MGAT4C: variants seen among roughly 807,000 people sequenced by gnomAD.
The protein encoded by MGAT4C is alpha-1,3-mannosyl-glycoprotein 4-beta-N-acetylglucosaminyltransferase C.
MGAT4C carries 19 observed loss-of-function variants against 40.1 expected under a neutral mutation model. The observed-to-expected ratio is 0.47, with a 90% CI of 0.33 to 0.70. MGAT4C has a LOEUF of 0.70. Among genes scored for constraint, MGAT4C ranks in the 30% least tolerant of loss-of-function variants. MGAT4C has a pLI of 0.02. For missense variants in MGAT4C, 491 were observed against 563.2 expected (o/e 0.87, Z 1.30); for synonymous variants, 181 against 187.1 (o/e 0.97, Z 0.27).
At chr12:86,709,239 C>A (rs1399831413) in intron 2 of MGAT4C, among the ~76,000 whole-genome samples, 3 of 152,134 alleles carry the variant, frequency 2.0e-5, no homozygotes, top group African/African-American at 7.2e-5. Context: ...CTGTTGCCAT[C>A]CATGTAAGAC....
chr12:86,097,910 A>C (rs1225136645), intron 1 of MGAT4C, among the ~76,000 whole-genome samples: 1 of 151,638 alleles, frequency 6.6e-6, no homozygotes, highest in East Asian at 1.9e-4. Context: ...CAACCAGCTA[A>C]TGTCTCATTT....
In MGAT4C at chr12:86,136,448, T is replaced by A. The variant is rs184086601; in HGVS notation, c.-56-86725A>T. On this transcript the variant is annotated intron_variant, in intron 1 of 4. Transcript: ENST00000611864. ...TGACGTGGAGGACAAATATTTTAGATAGAGTGGTTAGGAAGGGCATCTATA... is the reference window on the plus strand; with the variant it reads ...TGACGTGGAGGACAAATATTTTAGAAAGAGTGGTTAGGAAGGGCATCTATA... 2.0e-5 allele frequency among the ~76,000 whole-genome samples: 3 copies of A among 152,214 alleles called. No homozygotes were observed. The East Asian group carries it at 5.8e-4, about 29-fold the overall frequency.
At chr12:86,105,126 A>T (rs1875914501) in intron 1 of MGAT4C, among the ~76,000 whole-genome samples, 1 of 152,208 alleles carries the variant, frequency 6.6e-6, no homozygotes, top group Non-Finnish European at 1.5e-5. Context: ...GGCAAATGGT[A>T]AAATTACATC....
intron 3 of MGAT4C, among the ~76,000 whole-genome samples, chr12:86,340,549 T>G (rs563992249): frequency 6.6e-6 from 1 of 152,082 alleles, no homozygotes; most frequent in African/African-American, 2.4e-5. Flanking sequence ...AACAGAAAGA[T>G]AAAATTGTAG....
At chr12:86,641,190 TA>T (rs536957757) in intron 2 of MGAT4C, among the ~76,000 whole-genome samples, 4,717 of 151,884 alleles carry the variant, frequency 0.031, 120 homozygotes, top group African/African-American at 0.074. Context: ...TATGCAGCCA[TA>T]AAAAATGATG....
At chr12:86,182,133 A>C (rs1229388597) in intron 1 of MGAT4C, among the ~76,000 whole-genome samples, 1 of 152,026 alleles carries the variant, frequency 6.6e-6, no homozygotes, top group Non-Finnish European at 1.5e-5. Context: ...ATCCTCTTGG[A>C]CATTGAATAA....
chr12:86,155,740 T>C (rs1239273749), intron 1 of MGAT4C, among the ~76,000 whole-genome samples: 1 of 152,156 alleles, frequency 6.6e-6, no homozygotes, highest in African/African-American at 2.4e-5. Flanking sequence ...TGTATGTCTC[T>C]AAACTTATGT....
intron 1 of MGAT4C, among the ~76,000 whole-genome samples, chr12:86,098,724 C>T (rs565336782): frequency 6.6e-6 from 1 of 151,562 alleles, no homozygotes; most frequent in African/African-American, 2.4e-5. Context: ...TATGTGTGCA[C>T]ATACATAAAA....
chr12:86,531,924 A>T (rs1037837831), intron 2 of MGAT4C, among the ~76,000 whole-genome samples: 1 of 151,962 alleles, frequency 6.6e-6, no homozygotes, highest in Non-Finnish European at 1.5e-5. Context: ...AACTTAAACA[A>T]CTGGCTTTAC....
chr12:86,109,253 C>A (rs1445825398), intron 1 of MGAT4C, among the ~76,000 whole-genome samples: 1 of 152,084 alleles, frequency 6.6e-6, no homozygotes, highest in Admixed American at 6.6e-5. Context: ...CAACAACAAA[C>A]AAATTAATAG....
intron 3 of MGAT4C, among the ~76,000 whole-genome samples, chr12:86,402,501 T>C (rs980008118): frequency 2.1e-4 from 32 of 152,108 alleles, no homozygotes; most frequent in Non-Finnish European, 3.7e-4. Context: ...AAACACACTA[T>C]TTATATTTGT....
At chr12:86,500,378 G>T (rs2136333089) in intron 2 of MGAT4C, among the ~76,000 whole-genome samples, 1 of 151,674 alleles carries the variant, frequency 6.6e-6, no homozygotes, top group Admixed American at 6.6e-5. Context: ...AAACATGAGA[G>T]CATACACTAT....
chr12:86,428,355 G>T (rs1003965354), intron 3 of MGAT4C, among the ~76,000 whole-genome samples: 12 of 152,146 alleles, frequency 7.9e-5, no homozygotes, highest in Admixed American at 6.5e-5. Context: ...TATCTACAGA[G>T]AGCAGGACTG....
intron 2 of MGAT4C, among the ~76,000 whole-genome samples, chr12:86,478,174 T>C (rs1592896031): frequency 1.3e-5 from 2 of 152,282 alleles, no homozygotes; most frequent in East Asian, 1.9e-4. Context: ...GGCATACTCA[T>C]ATACAGGAGA....
rs993102964 is a variant in MGAT4C at position 86,832,985 on chromosome 12, G to A, written c.-262+5681C>T. ...AAGCTTTTAAGTGTCCATTAACAGTGAACTTAAAATATTGAGGTAGACATT... is the reference window on the plus strand; with the variant it reads ...AAGCTTTTAAGTGTCCATTAACAGTAAACTTAAAATATTGAGGTAGACATT... On this transcript the variant is annotated intron_variant, in intron 1 of 7. Coordinates refer to the MGAT4C transcript ENST00000548651. Among the ~76,000 whole-genome samples, 7 of 151,804 alleles carry A rather than the reference G, an allele frequency of 4.6e-5. No individual in the cohort carries two copies. The East Asian group carries it at 1.4e-3, about 29-fold the overall frequency.
chr12:86,198,709 A>C (rs1262630936), intron 1 of MGAT4C, among the ~76,000 whole-genome samples: 1 of 152,140 alleles, frequency 6.6e-6, no homozygotes, highest in Non-Finnish European at 1.5e-5. Context: ...ACAGTTGTTG[A>C]TTTGAGAGCA....
intron 1 of MGAT4C, among the ~76,000 whole-genome samples, chr12:86,141,801 T>C (rs1593055123): frequency 6.6e-6 from 1 of 152,162 alleles, no homozygotes; most frequent in Non-Finnish European, 1.5e-5. Context: ...ATGTAGATTA[T>C]ACAATTCAAG....
chr12:86,529,753 G>T (rs959223944), intron 2 of MGAT4C, among the ~76,000 whole-genome samples: 4 of 151,254 alleles, frequency 2.6e-5, no homozygotes, highest in South Asian at 2.1e-4. Context: ...TTTTTTTATT[G>T]TGTACACAAT....
chr12:86,521,266 C>T (rs889998426), intron 2 of MGAT4C, among the ~76,000 whole-genome samples: 11 of 152,032 alleles, frequency 7.2e-5, no homozygotes, highest in Admixed American at 5.9e-4. Flanking sequence ...AGAAAGGGGC[C>T]GACTTTCAAT....
Sources: gnomAD v4.1 joint callset for allele counts (sites outside exome capture counted in the v4.1 genomes callset) on GRCh38, gnomAD v4.1.1 for gene constraint, MANE v1.5 for transcripts, NCBI Gene and HGNC (gene_info 2026-07-23, HGNC 2026-07-21) for gene names.